GRID2: variants seen among roughly 807,000 people sequenced by gnomAD.
GRID2 encodes the protein glutamate ionotropic receptor delta type subunit 2.
GRID2 carries 33 observed loss-of-function variants against 114.8 expected under a neutral mutation model. That is an observed-to-expected ratio of 0.29 (90% CI 0.22 to 0.38). GRID2 has a LOEUF of 0.38. Ranked by LOEUF, GRID2 falls within the 10% of genes least tolerant of loss-of-function variation. GRID2 has a pLI of 1.00. For missense variants in GRID2, 1,184 were observed against 1,257.7 expected (o/e 0.94, Z 0.89); for synonymous variants, 505 against 449.9 (o/e 1.12, Z -1.55).
At chr4:92,419,688 AAGAT>A (rs1731799371) in intron 1 of GRID2, among the ~76,000 whole-genome samples, 1 of 152,020 alleles carries the variant, frequency 6.6e-6, no homozygotes, top group Non-Finnish European at 1.5e-5. Flanking sequence ...TGAGAGGAAA[AAGAT>A]AGCAGGAAAT....
Position 93,627,501 on chromosome 4 carries a change from A to G in GRID2, c.2360+1066A>G, listed in dbSNP as rs143508409. Among the ~76,000 whole-genome samples, 90 of 152,330 alleles carry G rather than the reference A, an allele frequency of 5.9e-4. 1 individual carries two copies. In the East Asian group the frequency reaches 0.013, roughly 22 times the overall value. ...AGTTAGATTAATTCTAAGGTCCTGT[A>G]CTAGTCAGCTTTTCTGTGTAGCAAA... On this transcript the variant is annotated intron_variant, in intron 14 of 15. Coordinates refer to ENST00000282020, the MANE Select transcript of GRID2 (RefSeq NM_001510.4).
At chr4:93,261,934 C>A (rs1428155559) in intron 8 of GRID2, among the ~76,000 whole-genome samples, 1 of 151,296 alleles carries the variant, frequency 6.6e-6, no homozygotes, top group Non-Finnish European at 1.5e-5. Context: ...TGAAAGAATT[C>A]TTCACTCAAA....
At chr4:93,545,001 C>T (rs114656377) in intron 13 of GRID2, among the ~76,000 whole-genome samples, 1,686 of 152,194 alleles carry the variant, frequency 0.011, 42 homozygotes, top group African/African-American at 0.038. Context: ...TACCATTTTA[C>T]ACCCCCTAAG....
chr4:92,362,016 A>G (rs750712127), intron 1 of GRID2, among the ~76,000 whole-genome samples: 59 of 152,034 alleles, frequency 3.9e-4, no homozygotes, highest in South Asian at 2.1e-4. Flanking sequence ...TCTGTTTCTC[A>G]TTCAAACCCA....
intron 2 of GRID2, among the ~76,000 whole-genome samples, chr4:92,764,035 A>G (rs561096885): frequency 1.6e-3 from 250 of 152,330 alleles, no homozygotes; most frequent in African/African-American, 5.9e-3. Context: ...CTCATCAGGA[A>G]CCAGCCTACT....
chr4:93,361,941 G>T (rs922851557), intron 8 of GRID2, among the ~76,000 whole-genome samples: 1 of 152,034 alleles, frequency 6.6e-6, no homozygotes, highest in Non-Finnish European at 1.5e-5. Context: ...CATCACCTAG[G>T]TATTAGGCCC....
At chr4:93,462,500 C>T (rs1231390789) in intron 11 of GRID2, among the ~76,000 whole-genome samples, 1 of 152,100 alleles carries the variant, frequency 6.6e-6, no homozygotes, top group African/African-American at 2.4e-5. Flanking sequence ...ACATAAGAGA[C>T]AACCCACTGA....
At chr4:93,592,376 A>T (rs1458532013) in intron 13 of GRID2, among the ~76,000 whole-genome samples, 5 of 152,100 alleles carry the variant, frequency 3.3e-5, no homozygotes, top group Non-Finnish European at 5.9e-5. Flanking sequence ...TTTGAGTGAG[A>T]TTCTTAATCC....
chr4:92,861,554 A>G (rs1744535537), intron 2 of GRID2, among the ~76,000 whole-genome samples: 2 of 152,048 alleles, frequency 1.3e-5, no homozygotes, highest in African/African-American at 4.8e-5. Flanking sequence ...TGATCTTAAT[A>G]ATCACCATCT....
intron 2 of GRID2, among the ~76,000 whole-genome samples, chr4:92,852,293 C>T (rs1405563628): frequency 2.6e-5 from 4 of 151,736 alleles, no homozygotes; most frequent in Non-Finnish European, 5.9e-5. Flanking sequence ...ATACATGCTC[C>T]AGCCAGTTCC....
Position 93,248,609 on chromosome 4 carries a change from C to T in GRID2, c.1245+10119C>T, listed in dbSNP as rs577776430. On this transcript the variant is annotated intron_variant, in intron 8 of 15. Transcript: ENST00000282020. Reference sequence around the variant, plus strand: ...TCTTGTTCTCTCAGGCCTATCTGGACGCCTCAAGGGGATTACACATTCTCT... The same window carrying T: ...TCTTGTTCTCTCAGGCCTATCTGGATGCCTCAAGGGGATTACACATTCTCT... Among the ~76,000 whole-genome samples the T allele has an allele frequency of 1.1e-4, 17 of 152,206 alleles. No homozygotes were observed. In the South Asian group the frequency reaches 1.5e-3, roughly 13 times the overall value.
chr4:92,850,094 A>C (rs1047503571), intron 2 of GRID2, among the ~76,000 whole-genome samples: 4 of 151,318 alleles, frequency 2.6e-5, no homozygotes, highest in Admixed American at 6.6e-5. Context: ...CAAATATTCA[A>C]AGTTCACTAA....
intron 8 of GRID2, among the ~76,000 whole-genome samples, chr4:93,261,366 C>T (rs535840689): frequency 3.4e-4 from 51 of 151,942 alleles, no homozygotes; most frequent in African/African-American, 1.2e-3. Context: ...CTTACAGCCT[C>T]TTTGTGGGAC....
chr4:93,482,364 G>A (rs958761758), intron 11 of GRID2, among the ~76,000 whole-genome samples: 12 of 152,018 alleles, frequency 7.9e-5, no homozygotes, highest in Non-Finnish European at 1.3e-4. Flanking sequence ...CCTTAGAAAA[G>A]AATGAGTTCA....
rs536037029 is a variant in GRID2 at position 93,233,045 on chromosome 4, C to T, written c.1126-5326C>T. Among the ~76,000 whole-genome samples, 5 of 152,142 alleles carry T rather than the reference C, an allele frequency of 3.3e-5. No homozygotes were observed. In the South Asian group the frequency reaches 1.0e-3, roughly 32 times the overall value. ...CCTGAGAGTGATAGATAAGTGGAAACGTTTAGGCTAAGTATGCATTAGCCA... is the reference window on the plus strand; with the variant it reads ...CCTGAGAGTGATAGATAAGTGGAAATGTTTAGGCTAAGTATGCATTAGCCA... On this transcript the variant is annotated intron_variant, in intron 7 of 15. Transcript: ENST00000282020.
chr4:93,699,579 A>G (rs1727331776), intron 14 of GRID2, among the ~76,000 whole-genome samples: 1 of 152,116 alleles, frequency 6.6e-6, no homozygotes, highest in African/African-American at 2.4e-5. Flanking sequence ...AAGGTCACAT[A>G]GCTAGCTAAT....
intron 2 of GRID2, among the ~76,000 whole-genome samples, chr4:92,666,493 A>T (rs1484326558): frequency 2.0e-5 from 3 of 151,162 alleles, no homozygotes; most frequent in African/African-American, 7.3e-5. Context: ...TGTGTTGAAA[A>T]CTGTATATTT....
chr4:92,928,345 TC>T (rs1462132623), intron 2 of GRID2, among the ~76,000 whole-genome samples: 1 of 151,672 alleles, frequency 6.6e-6, no homozygotes, highest in Non-Finnish European at 1.5e-5. Flanking sequence ...AAGATTTAAG[TC>T]ATTTCATGAT....
intron 14 of GRID2, among the ~76,000 whole-genome samples, chr4:93,737,203 T>C (rs1730999619): frequency 6.6e-6 from 1 of 152,078 alleles, no homozygotes; most frequent in Non-Finnish European, 1.5e-5. Flanking sequence ...ATGACTATAA[T>C]TATATTTTCA....
Sources: gnomAD v4.1 joint callset for allele counts (sites outside exome capture counted in the v4.1 genomes callset) on GRCh38, gnomAD v4.1.1 for gene constraint, MANE v1.5 for transcripts, NCBI Gene and HGNC (gene_info 2026-07-23, HGNC 2026-07-21) for gene names.